Variants in FAT3 observed in about 807,000 individuals in gnomAD.
FAT3 encodes the protein protocadherin Fat 3.
FAT3 carries 95 observed loss-of-function variants against 310.2 expected under a neutral mutation model. The observed-to-expected ratio is 0.31, with a 90% CI of 0.26 to 0.36. The LOEUF (loss-of-function observed/expected upper bound fraction) is 0.36. Ranked by LOEUF, FAT3 falls within the 10% of genes least tolerant of loss-of-function variation. FAT3 has a pLI of 1.00. For missense variants in FAT3, 5,408 were observed against 5,715.6 expected (o/e 0.95, Z 1.74); for synonymous variants, 2,314 against 2,192.9 (o/e 1.06, Z -1.54).
At chr11:92,259,134 A>G (rs1243673388) in intron 1 of FAT3, among the ~76,000 whole-genome samples, 1 of 152,056 alleles carries the variant, frequency 6.6e-6, no homozygotes, top group Middle Eastern at 3.2e-3. Flanking sequence ...CCCTCTGAGC[A>G]TGCTCCTGCA....
At chr11:92,814,022 T>C (rs1947753384) in intron 13 of FAT3, among the ~76,000 whole-genome samples, 1 of 152,184 alleles carries the variant, frequency 6.6e-6, no homozygotes, top group Admixed American at 6.5e-5. Flanking sequence ...GTTCTTCTCT[T>C]CTGTCATGCA....
chr11:92,447,181 G>A (rs1951233831), intron 2 of FAT3, among the ~76,000 whole-genome samples: 1 of 151,404 alleles, frequency 6.6e-6, no homozygotes, highest in African/African-American at 2.4e-5. Flanking sequence ...ACATATGTGT[G>A]TGTATATGTG....
intron 1 of FAT3, among the ~76,000 whole-genome samples, chr11:92,264,139 T>G (rs906451216): frequency 6.6e-6 from 1 of 152,080 alleles, no homozygotes; most frequent in Admixed American, 6.6e-5. Context: ...CAAGGTCTCA[T>G]TTTGTTGACT....
At chr11:92,644,493 C>T (rs1176390633) in intron 3 of FAT3, among the ~76,000 whole-genome samples, 3 of 152,108 alleles carry the variant, frequency 2.0e-5, no homozygotes, top group Non-Finnish European at 2.9e-5. Flanking sequence ...CCCGCCCCCC[C>T]GATAACTCTG....
chr11:92,226,508 G>T (rs982415076), intron 1 of FAT3, among the ~76,000 whole-genome samples: 1 of 151,988 alleles, frequency 6.6e-6, no homozygotes, highest in Admixed American at 6.5e-5. Context: ...AGGAACAGGG[G>T]TGCTCCCGGG....
At chr11:92,271,563 C>T (rs961887604) in intron 1 of FAT3, among the ~76,000 whole-genome samples, 1 of 152,122 alleles carries the variant, frequency 6.6e-6, no homozygotes, top group African/African-American at 2.4e-5. Context: ...AGCTTAAGGT[C>T]CTTAAGGGTA....
At chr11:92,687,946 A>T (rs1943679776) in intron 3 of FAT3, among the ~76,000 whole-genome samples, 1 of 151,936 alleles carries the variant, frequency 6.6e-6, no homozygotes, top group South Asian at 2.1e-4. Flanking sequence ...CACACGTAGA[A>T]TCCCAGCACT....
chr11:92,867,662 T>TA (rs1311416038), intron 22 of FAT3, among the ~76,000 whole-genome samples: 16 of 152,274 alleles, frequency 1.1e-4, no homozygotes, highest in African/African-American at 3.4e-4. Context: ...AGCTAAGACT[T>TA]ACAACCTTAC....
At chr11:92,692,480 A>G (rs1943824371) in intron 3 of FAT3, among the ~76,000 whole-genome samples, 1 of 152,230 alleles carries the variant, frequency 6.6e-6, no homozygotes, top group African/African-American at 2.4e-5. Context: ...GTAGTATTTT[A>G]TTCAAAAAAT....
intron 4 of FAT3, among the ~76,000 whole-genome samples, chr11:92,698,350 C>G (rs572315141): frequency 6.6e-6 from 1 of 152,286 alleles, no homozygotes; most frequent in Middle Eastern, 3.4e-3. Context: ...TTTAAATTAG[C>G]TCACCAGTCA....
intron 1 of FAT3, among the ~76,000 whole-genome samples, chr11:92,327,154 TGAAAA>T (rs1226472365): frequency 6.6e-6 from 1 of 152,122 alleles, no homozygotes; most frequent in East Asian, 1.9e-4. Context: ...TTGTCTGTGT[TGAAAA>T]GAAAAAGGTG....
intron 2 of FAT3, among the ~76,000 whole-genome samples, chr11:92,415,014 A>C (rs1441732780): frequency 6.6e-6 from 1 of 152,134 alleles, no homozygotes; most frequent in African/African-American, 2.4e-5. Flanking sequence ...CGTCAAAAAA[A>C]AAAAAAAAAT....
chr11:92,872,020 G>A (rs901126395), intron 22 of FAT3, among the ~76,000 whole-genome samples: 1 of 152,072 alleles, frequency 6.6e-6, no homozygotes, highest in African/African-American at 2.4e-5. Context: ...GGAGATTTTG[G>A]TAACTCTGAG....
At chr11:92,812,650 G>C (rs900602794) in intron 13 of FAT3, among the ~76,000 whole-genome samples, 2 of 151,664 alleles carry the variant, frequency 1.3e-5, no homozygotes, top group Non-Finnish European at 2.9e-5. Context: ...ATATTTAAAA[G>C]TCAGAATTTT....
intron 3 of FAT3, among the ~76,000 whole-genome samples, chr11:92,572,923 G>A (rs1273227540): frequency 6.6e-6 from 1 of 152,126 alleles, no homozygotes; most frequent in Non-Finnish European, 1.5e-5. Flanking sequence ...AAAAAGAAAA[G>A]GCAGATTATT....
intron 1 of FAT3, among the ~76,000 whole-genome samples, chr11:92,308,797 A>T (rs1215597005): frequency 6.6e-6 from 1 of 152,138 alleles, no homozygotes; most frequent in Non-Finnish European, 1.5e-5. Context: ...TAATGTCTTA[A>T]ATGTGTGTGG....
intron 2 of FAT3, among the ~76,000 whole-genome samples, chr11:92,386,278 GGA>G (rs1176037237): frequency 6.6e-6 from 1 of 152,146 alleles, no homozygotes; most frequent in Non-Finnish European, 1.5e-5. Flanking sequence ...TTCAGCTATG[GGA>G]TTTGGGCAAA....
intron 2 of FAT3, among the ~76,000 whole-genome samples, chr11:92,387,936 G>C (rs1315776363): frequency 6.6e-6 from 1 of 152,134 alleles, no homozygotes; most frequent in East Asian, 1.9e-4. Context: ...TAATTGTCCT[G>C]TCAATACTGA....
At chr11:92,525,388 T>C (rs1307844760) in intron 3 of FAT3, among the ~76,000 whole-genome samples, 1 of 152,196 alleles carries the variant, frequency 6.6e-6, no homozygotes, top group African/African-American at 2.4e-5. Context: ...GCGATTCCTG[T>C]ACTACCCATC....
Sources: allele counts gnomAD v4.1 joint callset (sites outside exome capture counted in the v4.1 genomes callset), GRCh38; gene constraint gnomAD v4.1.1; transcripts MANE v1.5; gene names NCBI Gene and HGNC (gene_info 2026-07-23, HGNC 2026-07-21).